The following MARCHF11 variants were observed in gnomAD, a reference collection of about 807,000 sequenced individuals.
The protein encoded by MARCHF11 is membrane associated ring-CH-type finger 11, also known as E3 ubiquitin-protein ligase MARCHF11.
MARCHF11 carries 29 observed loss-of-function variants against 37.3 expected under a neutral mutation model. The ratio of observed to expected loss-of-function variants is 0.78; its 90% CI spans 0.58 to 1.06. The LOEUF (loss-of-function observed/expected upper bound fraction) is 1.06. MARCHF11 is among the 50% of genes least tolerant of loss of function. The probability of loss-of-function intolerance (pLI) is 0.00; values close to 1 mark genes in which losing one functional copy is unlikely to be tolerated. For missense variants in MARCHF11, 482 were observed against 533.4 expected, an observed-to-expected ratio of 0.90 and a Z score of 0.95; for synonymous variants, 233 against 228.0, an observed-to-expected ratio of 1.02 and a Z score of -0.20.
At chr5:16,127,191 T>C (rs1177182697) in intron 2 of MARCHF11, among the ~76,000 whole-genome samples, 2 of 152,216 alleles carry the variant, frequency 1.3e-5, no homozygotes, top group East Asian at 1.9e-4. Context: ...CTAGACGTTA[T>C]AGTCATTGCT....
At chr5:16,068,773 G>A (rs1736390486) in intron 3 of MARCHF11, among the ~76,000 whole-genome samples, 1 of 152,180 alleles carries the variant, frequency 6.6e-6, no homozygotes, top group Non-Finnish European at 1.5e-5. Flanking sequence ...GTAGTCCCTG[G>A]GGAAGGTCTC....
At chr5:16,134,299 T>C (rs751682777) in intron 2 of MARCHF11, among the ~76,000 whole-genome samples, 57 of 152,114 alleles carry the variant, frequency 3.7e-4, no homozygotes, top group Non-Finnish European at 6.9e-4. Context: ...TGGGACCTAA[T>C]GGGGAAGGTT....
At chr5:16,167,003 CTTATGAACATACAACGATGTTCATT>C (rs1738180950) in intron 2 of MARCHF11, among the ~76,000 whole-genome samples, 1 of 147,486 alleles carries the variant, frequency 6.8e-6, no homozygotes, top group East Asian at 2.0e-4. Context: ...TGTTCATTTA[CTTATGAACATACAACGATGTTCATT>C]TACTTATGTC....
chr5:16,069,629 T>C (rs1453971525), intron 3 of MARCHF11, among the ~76,000 whole-genome samples: 1 of 152,014 alleles, frequency 6.6e-6, no homozygotes, highest in Non-Finnish European at 1.5e-5. Flanking sequence ...AAGGATAGGA[T>C]AGAGAAATAA....
At chr5:16,125,944 G>A (rs543031041) in intron 2 of MARCHF11, among the ~76,000 whole-genome samples, 1 of 152,290 alleles carries the variant, frequency 6.6e-6, no homozygotes, top group African/African-American at 2.4e-5. Context: ...CTACGTCAAT[G>A]TAATGAGAAT....
At chr5:16,077,644 TAATTAA>T (rs1317841213) in intron 3 of MARCHF11, among the ~76,000 whole-genome samples, 2 of 152,212 alleles carry the variant, frequency 1.3e-5, no homozygotes, top group Non-Finnish European at 2.9e-5. Context: ...AAGATGCTTA[TAATTAA>T]AACTATTAAT....
chr5:16,145,257 T>C (rs1468938046), intron 2 of MARCHF11, among the ~76,000 whole-genome samples: 1 of 152,150 alleles, frequency 6.6e-6, no homozygotes, highest in African/African-American at 2.4e-5. Context: ...AGAAACTGAA[T>C]TCCCAACACA....
intron 2 of MARCHF11, among the ~76,000 whole-genome samples, chr5:16,160,400 ATATAATTT>A (rs1468583844): frequency 1.4e-5 from 2 of 145,518 alleles, no homozygotes; most frequent in African/African-American, 2.5e-5. Flanking sequence ...ATATATATTT[ATATAATTT>A]TATAATTTTA....
intron 2 of MARCHF11, among the ~76,000 whole-genome samples, chr5:16,169,920 T>C (rs184824731): frequency 1.3e-5 from 2 of 152,212 alleles, no homozygotes; most frequent in Admixed American, 1.3e-4. Flanking sequence ...GTTTCCTTTA[T>C]ACCAATCCCT....
chr5:16,179,520 TC>T lies in MARCHF11; in HGVS notation c.55del (p.Asp19ThrfsTer51). 7.7e-6 allele frequency: 9 copies of T among 1,170,400 alleles called. No homozygotes were observed. Among genetic ancestry groups the T allele is most frequent in the East Asian group, 3.8e-5 (1 of 26,544 alleles). The allele number at this position is 1,170,400 out of a possible 1,614,324, so 72.5% of individuals were successfully genotyped here. A position where few individuals can be genotyped will look rare whatever the true frequency, so the allele number is the denominator to read the frequency against. On this transcript the variant is annotated frameshift_variant, in exon 1 of 4. Coordinates refer to ENST00000332432, the MANE Select transcript of MARCHF11 (RefSeq NM_001102562.3). LOFTEE classifies it high-confidence loss of function. The stretch of plus-strand genomic sequence containing the variant: ...GGGAGGTTGCGGGGGAGGCTCGGCG[TC>T]CCCGCTCTCCGCCCCGCGACACCGA... ...GSRCRGAESG[D>X]AEPPPQPPPP...
At chr5:16,111,845 G>A (rs1043886223) in intron 2 of MARCHF11, among the ~76,000 whole-genome samples, 1 of 152,182 alleles carries the variant, frequency 6.6e-6, no homozygotes, top group African/African-American at 2.4e-5. Context: ...CATGATGTGT[G>A]CAGTCTAGGG....
chr5:16,099,973 C>G (rs1736929710), intron 2 of MARCHF11, among the ~76,000 whole-genome samples: 1 of 152,192 alleles, frequency 6.6e-6, no homozygotes, highest in Admixed American at 6.5e-5. Context: ...AATAAAAATT[C>G]TCTTCCAGAA....
chr5:16,179,372 C>A lies in MARCHF11; in HGVS notation c.204G>T (p.Pro68=), dbSNP rs1738428244. The A allele has an allele frequency of 6.9e-6, 8 of 1,166,014 alleles. No homozygotes were observed. The highest frequency in any genetic ancestry group is 4.7e-5 in the Admixed American group (1 of 21,278). The allele number at this position is 1,166,014 out of a possible 1,614,324, so 72.2% of individuals were successfully genotyped here. ...TPERAAGPSE[P]LGEVAPRCRG... The stretch of plus-strand genomic sequence containing the variant: ...TGCACCGCGGGGCCACCTCCCCTAG[C>A]GGCTCGCTTGGCCCCGCGGCGCGCT... Residue 68 remains proline, a synonymous_variant, in exon 1 of 4, where the codon CCG becomes CCT. Transcript: ENST00000332432.
At chr5:16,160,719 AATAGAGAGACACCT>A in intron 2 of MARCHF11, among the ~76,000 whole-genome samples, 1 of 152,100 alleles carries the variant, frequency 6.6e-6, no homozygotes, top group South Asian at 2.1e-4. Flanking sequence ...AATCTCATCA[AATAGAGAGACACCT>A]TGGTTTTAAA....
intron 3 of MARCHF11, among the ~76,000 whole-genome samples, chr5:16,079,618 C>G (rs1736573550): frequency 2.0e-5 from 3 of 152,190 alleles, no homozygotes; most frequent in South Asian, 2.1e-4. Context: ...CAAGGAGGTG[C>G]TCAGTCATGC....
chr5:16,070,739 A>G (rs1214631441), intron 3 of MARCHF11, among the ~76,000 whole-genome samples: 2 of 152,214 alleles, frequency 1.3e-5, no homozygotes, highest in African/African-American at 4.8e-5. Context: ...AGAGAGAACT[A>G]CTTGAAGTTT....
chr5:16,144,949 G>T (rs1206915269), intron 2 of MARCHF11, among the ~76,000 whole-genome samples: 1 of 152,184 alleles, frequency 6.6e-6, no homozygotes, highest in Non-Finnish European at 1.5e-5. Flanking sequence ...AAAAGAGGTT[G>T]TAGGTGGAGT....
chr5:16,131,217 C>G (rs1198303595), intron 2 of MARCHF11, among the ~76,000 whole-genome samples: 2 of 152,164 alleles, frequency 1.3e-5, no homozygotes, highest in African/African-American at 4.8e-5. Context: ...AGGAAGAAAG[C>G]AAATAACCAT....
chr5:16,179,265 T>C lies in MARCHF11; in HGVS notation c.311A>G (p.Glu104Gly). The change falls in exon 1 of 4, where the codon GAA (glutamate) becomes GGA (glycine). Residue 104 changes from glutamate (E) to glycine (G), a missense_variant. Transcript: ENST00000332432. ...CGCCTCCGGGAGGCGCCTCGGACCT[T>C]CCCCGGAGTCGCCGGCCGCCGCCAC... ...QEVAAAGDSG[E>G]GPRRLPEAAA... The C allele has an allele frequency of 1.5e-6, 2 of 1,313,948 alleles. No homozygotes were observed. The highest frequency in any genetic ancestry group is 3.2e-5 in the Admixed American group (1 of 30,940). 81.4% of individuals were successfully genotyped at this position (1,313,948 alleles called of 1,614,324 possible). A position where few individuals can be genotyped will look rare whatever the true frequency, so the allele number is the denominator to read the frequency against.
Sources: gnomAD v4.1 joint callset for allele counts (sites outside exome capture counted in the v4.1 genomes callset) on GRCh38, gnomAD v4.1.1 for gene constraint, MANE v1.5 for transcripts, NCBI Gene and HGNC (gene_info 2026-07-23, HGNC 2026-07-21) for gene names.